The following NKAIN2 variants were observed in gnomAD, a reference collection of about 807,000 sequenced individuals.
NKAIN2 encodes the protein sodium/potassium transporting ATPase interacting 2, also known as sodium/potassium-transporting ATPase subunit beta-1-interacting protein 2.
In NKAIN2, 14 loss-of-function variants were observed where a neutral mutation model predicts 32.6. The ratio of observed to expected loss-of-function variants is 0.43; its 90% CI spans 0.28 to 0.67. NKAIN2 has a LOEUF of 0.67. Ranked by LOEUF, NKAIN2 falls within the 30% of genes least tolerant of loss-of-function variation. The pLI, the probability that NKAIN2 is intolerant of heterozygous loss-of-function variation, is 0.17. For missense variants in NKAIN2, 198 were observed against 258.3 expected, an observed-to-expected ratio of 0.77 and a Z score of 1.60; for synonymous variants, 80 against 87.2, an observed-to-expected ratio of 0.92 and a Z score of 0.46.
At chr6:124,050,545 A>G (rs1274417568) in intron 1 of NKAIN2, among the ~76,000 whole-genome samples, 2 of 152,000 alleles carry the variant, frequency 1.3e-5, no homozygotes, top group African/African-American at 2.4e-5. Flanking sequence ...TTTTCCTTGT[A>G]TAACTCTATT....
intron 2 of NKAIN2, among the ~76,000 whole-genome samples, chr6:124,286,667 TGTGTGTGC>T (rs1185730941): frequency 1.8e-3 from 216 of 121,542 alleles, no homozygotes; most frequent in East Asian, 5.2e-3. Context: ...TGTGTGTGTG[TGTGTGTGC>T]GCGCGCGTGT....
chr6:124,310,634 G>A (rs1020903747), intron 2 of NKAIN2, among the ~76,000 whole-genome samples: 1 of 152,100 alleles, frequency 6.6e-6, no homozygotes, highest in East Asian at 1.9e-4. Flanking sequence ...AGGATAAGTA[G>A]ATTCATTCAG....
intron 1 of NKAIN2, among the ~76,000 whole-genome samples, chr6:124,101,905 T>A (rs114647372): frequency 0.011 from 1,617 of 152,154 alleles, 31 homozygotes; most frequent in African/African-American, 0.036. Context: ...CAGCAGGCAG[T>A]TTAGGCACAG....
intron 1 of NKAIN2, among the ~76,000 whole-genome samples, chr6:124,272,969 T>A (rs1794864869): frequency 6.6e-6 from 1 of 152,234 alleles, no homozygotes; most frequent in Non-Finnish European, 1.5e-5. Context: ...CCAATGCCTG[T>A]TCCCCCACTG....
intron 1 of NKAIN2, among the ~76,000 whole-genome samples, chr6:124,119,022 C>G (rs1785750101): frequency 6.6e-6 from 1 of 152,094 alleles, no homozygotes; most frequent in South Asian, 2.1e-4. Context: ...TTCATCTAGT[C>G]TGTAACTTCT....
intron 2 of NKAIN2, among the ~76,000 whole-genome samples, chr6:124,291,969 C>T (rs1795834069): frequency 6.6e-6 from 1 of 152,114 alleles, no homozygotes; most frequent in South Asian, 2.1e-4. Flanking sequence ...TTGAACCTCC[C>T]TACACCTTCA....
intron 1 of NKAIN2, among the ~76,000 whole-genome samples, chr6:124,233,034 G>T (rs1317336303): frequency 6.6e-6 from 1 of 152,098 alleles, no homozygotes. Flanking sequence ...ATTCTGAGTT[G>T]CTGGGGGTAC....
intron 1 of NKAIN2, among the ~76,000 whole-genome samples, chr6:123,813,034 TTCA>T (rs959519852): frequency 2.0e-5 from 3 of 152,226 alleles, no homozygotes; most frequent in African/African-American, 7.2e-5. Context: ...TGGTAGGGAA[TTCA>T]TAGTATCCTA....
chr6:123,982,612 AG>A (rs1778949136), intron 1 of NKAIN2, among the ~76,000 whole-genome samples: 1 of 152,182 alleles, frequency 6.6e-6, no homozygotes, highest in Non-Finnish European at 1.5e-5. Flanking sequence ...TAGGATTTTA[AG>A]GGCCTAAGTT....
At chr6:124,584,214 G>T (rs1781624927) in intron 3 of NKAIN2, among the ~76,000 whole-genome samples, 1 of 152,068 alleles carries the variant, frequency 6.6e-6, no homozygotes, top group Non-Finnish European at 1.5e-5. Context: ...ACAACCCACA[G>T]AACAAGAGAA....
intron 3 of NKAIN2, among the ~76,000 whole-genome samples, chr6:124,609,368 C>G (rs546706290): frequency 1.1e-4 from 17 of 152,228 alleles, no homozygotes; most frequent in Admixed American, 2.0e-4. Context: ...TTTTTCATCA[C>G]TCACCCTGGA....
intron 3 of NKAIN2, among the ~76,000 whole-genome samples, chr6:124,451,951 T>C (rs1325897097): frequency 6.6e-6 from 1 of 151,944 alleles, no homozygotes; most frequent in African/African-American, 2.4e-5. Context: ...TCCCAGCACT[T>C]TGGGAGGCCA....
chr6:124,370,613 G>A (rs933745135), intron 3 of NKAIN2, among the ~76,000 whole-genome samples: 1 of 152,008 alleles, frequency 6.6e-6, no homozygotes, highest in Non-Finnish European at 1.5e-5. Flanking sequence ...TAAAAACTAG[G>A]CATTTTGTAG....
chr6:124,316,204 T>C (rs1796942632), intron 2 of NKAIN2, among the ~76,000 whole-genome samples: 1 of 152,098 alleles, frequency 6.6e-6, no homozygotes. Flanking sequence ...CATTACACAT[T>C]TGTACGCTTG....
At chr6:124,306,843 T>C (rs193008346) in intron 2 of NKAIN2, among the ~76,000 whole-genome samples, 112 of 152,272 alleles carry the variant, frequency 7.4e-4, no homozygotes, top group Non-Finnish European at 1.4e-3. Flanking sequence ...AAGTAACATA[T>C]ATTTCTATGC....
rs564915857 is a variant in NKAIN2 at position 124,075,368 on chromosome 6, A to G, written c.55-207637A>G. 4.9e-4 allele frequency among the ~76,000 whole-genome samples: 75 copies of G among 152,322 alleles called. 1 individual carries two copies. The highest frequency in any genetic ancestry group is 1.8e-3 in the African/African-American group (73 of 41,580). On this transcript the variant is annotated intron_variant, in intron 1 of 6. Coordinates refer to ENST00000368417, the MANE Select transcript of NKAIN2 (RefSeq NM_001040214.3). ...TTAATATTATTTTTCAAGTCTGTGC[A>G]TATAAGCATGATATCTTAATTGACA...
chr6:124,165,693 A>G (rs1454576794), intron 1 of NKAIN2, among the ~76,000 whole-genome samples: 3 of 132,618 alleles, frequency 2.3e-5, no homozygotes, highest in Non-Finnish European at 4.8e-5. Flanking sequence ...CAGTCCCCAG[A>G]GTGTGATGTT....
chr6:124,213,833 C>G (rs1791316956), intron 1 of NKAIN2, among the ~76,000 whole-genome samples: 8 of 151,998 alleles, frequency 5.3e-5, no homozygotes, highest in Admixed American at 4.6e-4. Context: ...ATAGGATGAA[C>G]AAGTGTATTC....
intron 1 of NKAIN2, among the ~76,000 whole-genome samples, chr6:124,246,311 C>T (rs1793393197): frequency 6.6e-6 from 1 of 152,028 alleles, no homozygotes; most frequent in Non-Finnish European, 1.5e-5. Context: ...TCTCCATTGT[C>T]TATTGCATAT....
Sources: allele counts gnomAD v4.1 joint callset (sites outside exome capture counted in the v4.1 genomes callset), GRCh38; gene constraint gnomAD v4.1.1; transcripts MANE v1.5; gene names NCBI Gene and HGNC (gene_info 2026-07-23, HGNC 2026-07-21).